The following MACROD2 variants were observed in gnomAD, a reference collection of about 807,000 sequenced individuals.
MACROD2 encodes the protein mono-ADP ribosylhydrolase 2.
A neutral mutation model predicts 70.4 loss-of-function variants in MACROD2; 36 were observed. The ratio of observed to expected loss-of-function variants is 0.51; its 90% confidence interval spans 0.39 to 0.68. The LOEUF is 0.68. Among genes scored for constraint, MACROD2 ranks in the 30% least tolerant of loss-of-function variants. The pLI, the probability that MACROD2 is intolerant of heterozygous loss-of-function variation, is 0.00. For synonymous variants in MACROD2, 172 were observed against 178.8 expected (o/e 0.96, Z 0.30); for missense variants, 496 against 538.4 (o/e 0.92, Z 0.78).
chr20:15,481,686 A>T lies in MACROD2; in HGVS notation c.572-18088A>T, dbSNP rs76410576. Among the ~76,000 whole-genome samples, 460 of 133,012 alleles carry T rather than the reference A, an allele frequency of 3.5e-3. 3 individuals are homozygous for T. Among genetic ancestry groups the T allele is most frequent in the African/African-American group, 0.015 (443 of 29,666 alleles). 87.3% of individuals were successfully genotyped at this position (133,012 alleles called of 152,430 possible). A position where few individuals can be genotyped will look rare whatever the true frequency, so the allele number is the denominator to read the frequency against. On this transcript the variant is annotated intron_variant, in intron 7 of 17. Transcript: ENST00000684519. The stretch of plus-strand genomic sequence containing the variant: ...GCTAAAGTCATAGAAAATAAACATT[A>T]AAAAAAAAAAACTAATATTTACAAG...
intron 15 of MACROD2, among the ~76,000 whole-genome samples, chr20:16,005,457 G>T (rs2066775244): frequency 6.6e-6 from 1 of 152,150 alleles, no homozygotes; most frequent in African/African-American, 2.4e-5. Context: ...CACCTGGATT[G>T]CCAAGTATAA....
intron 8 of MACROD2, among the ~76,000 whole-genome samples, chr20:15,771,569 C>T (rs1311309349): frequency 6.6e-6 from 1 of 150,886 alleles, no homozygotes; most frequent in East Asian, 2.0e-4. Flanking sequence ...TAGAAAGCAG[C>T]TTACTTTCTG....
At chr20:15,383,185 T>C in intron 6 of MACROD2, among the ~76,000 whole-genome samples, 1 of 152,250 alleles carries the variant, frequency 6.6e-6, no homozygotes. Flanking sequence ...AGAACTAGAA[T>C]TTAACCATAT....
intron 9 of MACROD2, among the ~76,000 whole-genome samples, chr20:15,868,373 C>G (rs1317448266): frequency 6.6e-6 from 1 of 152,112 alleles, no homozygotes; most frequent in Non-Finnish European, 1.5e-5. Context: ...CCACCCAACC[C>G]CTACTCTCCA....
intron 5 of MACROD2, among the ~76,000 whole-genome samples, chr20:14,950,634 G>T (rs948939112): frequency 2.6e-5 from 4 of 152,146 alleles, no homozygotes; most frequent in Non-Finnish European, 2.9e-5. Flanking sequence ...TTGGTGCACA[G>T]AAACTTCAGG....
chr20:15,561,569 T>C (rs2048244184), intron 8 of MACROD2, among the ~76,000 whole-genome samples: 1 of 152,188 alleles, frequency 6.6e-6, no homozygotes, highest in Admixed American at 6.6e-5. Context: ...CTCATCTGCC[T>C]TCAGTAGGGT....
At chr20:14,799,912 GAT>G (rs1337501675) in intron 5 of MACROD2, among the ~76,000 whole-genome samples, 1 of 152,046 alleles carries the variant, frequency 6.6e-6, no homozygotes, top group Non-Finnish European at 1.5e-5. Flanking sequence ...GCTGAAGAAA[GAT>G]AACGCTTTTC....
At chr20:15,989,288 C>T (rs1601283745) in intron 15 of MACROD2, among the ~76,000 whole-genome samples, 2 of 152,180 alleles carry the variant, frequency 1.3e-5, no homozygotes, top group African/African-American at 4.8e-5. Flanking sequence ...CCTTCAACAA[C>T]AACAACTGGT....
chr20:14,369,891 C>A (rs1281649954), intron 3 of MACROD2, among the ~76,000 whole-genome samples: 1 of 152,104 alleles, frequency 6.6e-6, no homozygotes, highest in African/African-American at 2.4e-5. Context: ...AGCAAAAATG[C>A]AATTTCAAAA....
intron 5 of MACROD2, among the ~76,000 whole-genome samples, chr20:14,989,330 A>G (rs2423903): frequency 0.022 from 3,383 of 152,282 alleles, 71 homozygotes; most frequent in Admixed American, 0.048. Flanking sequence ...GCTAGGGAAG[A>G]TCCCCAAATG....
At chr20:14,765,607 CA>C (rs1475977653) in intron 5 of MACROD2, among the ~76,000 whole-genome samples, 1 of 151,990 alleles carries the variant, frequency 6.6e-6, no homozygotes, top group Non-Finnish European at 1.5e-5. Flanking sequence ...CCAGAGGAAT[CA>C]GGGGGTAAGA....
At chr20:14,834,933 A>C (rs1295639792) in intron 5 of MACROD2, among the ~76,000 whole-genome samples, 1 of 151,956 alleles carries the variant, frequency 6.6e-6, no homozygotes, top group Non-Finnish European at 1.5e-5. Flanking sequence ...GTATATTTAT[A>C]TATAGACTAT....
chr20:14,339,839 G>C (rs1210488929), intron 3 of MACROD2, among the ~76,000 whole-genome samples: 5 of 152,120 alleles, frequency 3.3e-5, no homozygotes, highest in Non-Finnish European at 7.4e-5. Context: ...ATTCTATACT[G>C]GGGTACTGAC....
At chr20:15,292,952 A>T (rs971799040) in intron 6 of MACROD2, among the ~76,000 whole-genome samples, 2 of 152,174 alleles carry the variant, frequency 1.3e-5, no homozygotes, top group African/African-American at 2.4e-5. Flanking sequence ...ATATTATCTG[A>T]TGGAGTGAGG....
intron 3 of MACROD2, among the ~76,000 whole-genome samples, chr20:14,321,127 G>A (rs1487794622): frequency 6.6e-6 from 1 of 152,162 alleles, no homozygotes; most frequent in African/African-American, 2.4e-5. Flanking sequence ...CACTTTGGGA[G>A]GCTGAGGTGG....
intron 6 of MACROD2, among the ~76,000 whole-genome samples, chr20:15,276,088 G>A (rs951130895): frequency 2.6e-5 from 4 of 152,036 alleles, no homozygotes; most frequent in Admixed American, 1.3e-4. Context: ...TATATGTGAC[G>A]TAAAAAGTCA....
chr20:14,406,042 G>A (rs1568597826), intron 3 of MACROD2, among the ~76,000 whole-genome samples: 2 of 152,200 alleles, frequency 1.3e-5, no homozygotes, highest in East Asian at 3.9e-4. Flanking sequence ...TTGGACTGAT[G>A]GAAAATGAGA....
At chr20:14,553,143 C>T (rs1344774714) in intron 4 of MACROD2, among the ~76,000 whole-genome samples, 7 of 151,380 alleles carry the variant, frequency 4.6e-5, no homozygotes, top group African/African-American at 1.5e-4. Flanking sequence ...TCTTTATATC[C>T]TTATTTTATA....
At chr20:15,088,881 T>A (rs898815538) in intron 5 of MACROD2, among the ~76,000 whole-genome samples, 4 of 151,946 alleles carry the variant, frequency 2.6e-5, no homozygotes, top group African/African-American at 9.6e-5. Context: ...TAAAAGAGAG[T>A]AAGCTTTTTC....
Sources: gnomAD v4.1 joint callset for allele counts (sites outside exome capture counted in the v4.1 genomes callset) on GRCh38, gnomAD v4.1.1 for gene constraint, MANE v1.5 for transcripts, NCBI Gene and HGNC (gene_info 2026-07-23, HGNC 2026-07-21) for gene names.